The following PDGFD variants were observed in gnomAD, a reference collection of about 807,000 sequenced individuals.
PDGFD encodes the protein platelet derived growth factor D.
Under a neutral mutation model 44.7 loss-of-function variants are expected in PDGFD, and 30 were observed. The ratio of observed to expected loss-of-function variants is 0.67; its 90% CI spans 0.50 to 0.91. PDGFD has a LOEUF of 0.91. Among genes scored for constraint, PDGFD ranks in the 40% least tolerant of loss-of-function variants. The probability of loss-of-function intolerance (pLI) is 0.00; values close to 1 mark genes in which losing one functional copy is unlikely to be tolerated. For synonymous variants in PDGFD, 173 were observed against 168.4 expected (o/e 1.03, Z -0.21); for missense variants, 445 against 457.8 (o/e 0.97, Z 0.25).
At chr11:104,160,855 T>C (rs1242120977) in intron 1 of PDGFD, among the ~76,000 whole-genome samples, 1 of 152,178 alleles carries the variant, frequency 6.6e-6, no homozygotes, top group East Asian at 1.9e-4. Context: ...ATCAGCTTCT[T>C]ATAATGGGTA....
At chr11:104,161,021 A>T (rs1862381216) in intron 1 of PDGFD, among the ~76,000 whole-genome samples, 1 of 152,182 alleles carries the variant, frequency 6.6e-6, no homozygotes, top group South Asian at 2.1e-4. Context: ...CATGCCCTGA[A>T]CAGGACACCC....
chr11:104,131,056 C>T (rs1230430735), intron 1 of PDGFD, among the ~76,000 whole-genome samples: 1 of 152,100 alleles, frequency 6.6e-6, no homozygotes, highest in Non-Finnish European at 1.5e-5. Context: ...CTTGTACAAA[C>T]ATAAATAAGA....
rs1024901734 is a variant in PDGFD at position 104,074,610 on chromosome 11, T to A, written c.125-74355A>T. 5.9e-5 allele frequency among the ~76,000 whole-genome samples: 9 copies of A among 151,500 alleles called. 1 individual carries two copies. Among genetic ancestry groups the A allele is most frequent in the Admixed American group, 1.3e-4 (2 of 15,210 alleles). ...GCACACACAACCAATGAAAGCAGAGTGGAAAAGTATAATGCAGTGTATTCA... is the reference window on the plus strand; with the variant it reads ...GCACACACAACCAATGAAAGCAGAGAGGAAAAGTATAATGCAGTGTATTCA... On this transcript the variant is annotated intron_variant, in intron 1 of 6. Transcript: ENST00000393158.
chr11:103,921,528 C>T (rs1858219802), intron 6 of PDGFD, among the ~76,000 whole-genome samples: 1 of 151,690 alleles, frequency 6.6e-6, no homozygotes, highest in Admixed American at 6.6e-5. Context: ...GGGCTATATC[C>T]TGATAAACCC....
At chr11:103,962,691 T>C (rs953231698) in intron 3 of PDGFD, among the ~76,000 whole-genome samples, 8 of 152,170 alleles carry the variant, frequency 5.3e-5, no homozygotes, top group African/African-American at 1.9e-4. Context: ...GAATTACATA[T>C]GGAACACCGA....
chr11:103,969,819 G>A (rs1025782173), intron 3 of PDGFD, among the ~76,000 whole-genome samples: 2 of 151,904 alleles, frequency 1.3e-5, no homozygotes, highest in South Asian at 2.1e-4. Flanking sequence ...AAAAACAGTG[G>A]TTTTTATAAT....
chr11:104,044,837 G>C (rs977290781), intron 1 of PDGFD, among the ~76,000 whole-genome samples: 1 of 152,254 alleles, frequency 6.6e-6, no homozygotes, highest in Admixed American at 6.5e-5. Context: ...AGAAGATGGA[G>C]ACCATCCTGG....
At chr11:104,163,517 C>T (rs977853663) in intron 1 of PDGFD, among the ~76,000 whole-genome samples, 2 of 152,128 alleles carry the variant, frequency 1.3e-5, no homozygotes, top group African/African-American at 4.8e-5. Flanking sequence ...GGCACCGCAT[C>T]CTGGTACCAG....
At chr11:103,976,106 T>C (rs1859179966) in intron 3 of PDGFD, among the ~76,000 whole-genome samples, 1 of 152,204 alleles carries the variant, frequency 6.6e-6, no homozygotes, top group Non-Finnish European at 1.5e-5. Flanking sequence ...ATTTTCATGA[T>C]ATTGACTCTT....
intron 6 of PDGFD, among the ~76,000 whole-genome samples, chr11:103,925,417 AT>A (rs2134309385): frequency 6.6e-6 from 1 of 152,230 alleles, no homozygotes; most frequent in East Asian, 1.9e-4. Context: ...TTTAAAACAT[AT>A]TTCTGCATGA....
intron 1 of PDGFD, among the ~76,000 whole-genome samples, chr11:104,163,139 A>C (rs1406067895): frequency 2.0e-5 from 3 of 152,088 alleles, no homozygotes. Context: ...CTAGCAGCAG[A>C]AGCCTGGTGC....
chr11:103,937,808 G>A (rs1417924927), intron 5 of PDGFD, among the ~76,000 whole-genome samples: 1 of 149,036 alleles, frequency 6.7e-6, no homozygotes, highest in African/African-American at 2.5e-5. Flanking sequence ...GCGGTGTTTG[G>A]TTTTTTGTCC....
intron 6 of PDGFD, among the ~76,000 whole-genome samples, chr11:103,911,269 C>A (rs4491183): frequency 6.6e-6 from 1 of 151,916 alleles, no homozygotes; most frequent in East Asian, 1.9e-4. Flanking sequence ...GGGTCCCTGA[C>A]CCCCATGTAT....
rs563689461 is a variant in PDGFD, at chr11:103,910,982, G to T, written c.988-1163C>A. On this transcript the variant is annotated intron_variant, in intron 6 of 6. Coordinates refer to ENST00000393158, the MANE Select transcript of PDGFD (RefSeq NM_025208.5). ...AAAGCTACTGGGAAGTTTGAATGGGGCGGAGCCCACCGCAGCTCAGCAAGG... is the reference window on the plus strand; with the variant it reads ...AAAGCTACTGGGAAGTTTGAATGGGTCGGAGCCCACCGCAGCTCAGCAAGG... 2.1e-4 allele frequency among the ~76,000 whole-genome samples: 32 copies of T among 152,336 alleles called. 1 individual carries two copies. Among genetic ancestry groups the T allele is most frequent in the African/African-American group, 7.2e-4 (30 of 41,588 alleles).
At chr11:103,928,453 GA>G (rs1451907183) in intron 5 of PDGFD, among the ~76,000 whole-genome samples, 2 of 152,218 alleles carry the variant, frequency 1.3e-5, no homozygotes, top group East Asian at 3.9e-4. Context: ...GGAGAAGGAA[GA>G]AAAAAAGCCT....
At chr11:103,913,487 G>A (rs1858064937) in intron 6 of PDGFD, among the ~76,000 whole-genome samples, 1 of 152,134 alleles carries the variant, frequency 6.6e-6, no homozygotes, top group Non-Finnish European at 1.5e-5. Context: ...GAATCTCTGG[G>A]GCATATTTAA....
chr11:104,022,529 A>C (rs114094329), intron 1 of PDGFD, among the ~76,000 whole-genome samples: 4,940 of 152,194 alleles, frequency 0.032, 284 homozygotes, highest in African/African-American at 0.11. Flanking sequence ...CAATTTCCTA[A>C]GGTCAATTTC....
chr11:104,019,743 A>G (rs1232559642), intron 1 of PDGFD, among the ~76,000 whole-genome samples: 1 of 152,192 alleles, frequency 6.6e-6, no homozygotes, highest in East Asian at 1.9e-4. Flanking sequence ...TGTCCTGAGC[A>G]TGGAAGGGAG....
chr11:103,947,229 A>C (rs1311208684), intron 4 of PDGFD, among the ~76,000 whole-genome samples: 1 of 152,200 alleles, frequency 6.6e-6, no homozygotes, highest in African/African-American at 2.4e-5. Flanking sequence ...ATCTTACTGT[A>C]AACATTGGGA....
Sources: allele counts gnomAD v4.1 joint callset (sites outside exome capture counted in the v4.1 genomes callset), GRCh38; gene constraint gnomAD v4.1.1; transcripts MANE v1.5; gene names NCBI Gene and HGNC (gene_info 2026-07-23, HGNC 2026-07-21).